Variants in TMF1 observed in about 807,000 individuals in gnomAD.
The protein encoded by TMF1 is TATA element modulatory factor.
Under a neutral mutation model 126.5 loss-of-function variants are expected in TMF1, and 71 were observed. The ratio of observed to expected loss-of-function variants is 0.56; its 90% CI spans 0.46 to 0.68. The LOEUF is 0.68. Among genes scored for constraint, TMF1 ranks in the 30% least tolerant of loss-of-function variants. The pLI is 0.00. For missense variants in TMF1, 1,259 were observed against 1,253.2 expected, an observed-to-expected ratio of 1.00 and a Z score of -0.07; for synonymous variants, 461 against 430.5, an observed-to-expected ratio of 1.07 and a Z score of -0.88.
In TMF1 at chr3:69,048,395, T is replaced by C. The variant is rs2091908087; in HGVS notation, c.310A>G (p.Thr104Ala). 2.5e-6 allele frequency: 4 copies of C among 1,614,146 alleles called. No homozygotes were observed. The highest frequency in any genetic ancestry group is 3.4e-6 in the Non-Finnish European group (4 of 1,180,034). Reference sequence around the variant, plus strand: ...CTCTTCTGAATGGTCTGGACATCAGTTGGCGAGAGAAAGGCACTGAAGAAA... The same window carrying C: ...CTCTTCTGAATGGTCTGGACATCAGCTGGCGAGAGAAAGGCACTGAAGAAA... ...ENFFSAFLSP[T>A]DVQTIQKSPV... Residue 104 changes from threonine to alanine, a missense_variant, in exon 2 of 17, where the codon ACT (threonine) becomes GCT (alanine). Transcript: ENST00000398559.
chr3:69,038,383 C>T (rs1482277663), intron 8 of TMF1, among the ~76,000 whole-genome samples, 181 bp downstream of exon 8: 1 of 152,198 alleles, frequency 6.6e-6, no homozygotes, highest in African/African-American at 2.4e-5. Flanking sequence ...ATACTGGTAT[C>T]ACGTAAGCAT....
Position 69,023,078 on chromosome 3 carries a change from C to G in TMF1, c.*99G>C. On this transcript the variant is annotated 3_prime_UTR_variant, in exon 17 of 17. Transcript: ENST00000398559. ...AATTTTTACACTCTACAGTAAATCC[C>G]ACTTTCTAATTCTATAAAAGAATTT... 2 of 1,199,512 alleles carry G rather than the reference C, an allele frequency of 1.7e-6. No individual in the cohort carries two copies. Among genetic ancestry groups the G allele is most frequent in the Non-Finnish European group, 1.1e-6 (1 of 872,724 alleles). The allele number at this position is 1,199,512 out of a possible 1,614,324, so 74.3% of individuals were successfully genotyped here.
rs543733396 is a variant in TMF1, at chr3:69,021,467, A to C, written c.*1710T>G. The C allele has an allele frequency of 6.5e-6, 1 of 152,728 alleles. No homozygotes were observed. Among genetic ancestry groups the C allele is most frequent in the East Asian group, 1.9e-4 (1 of 5,178 alleles). 9.5% of individuals were successfully genotyped at this position (152,728 alleles called of 1,614,324 possible). A position where few individuals can be genotyped will look rare whatever the true frequency, so the allele number is the denominator to read the frequency against. ...CTACTTTTTACTACTAAAATGAAGA[A>C]AATTAATTTTATGAATCTGGCTCAC... On this transcript the variant is annotated 3_prime_UTR_variant, in exon 17 of 17. Transcript: ENST00000398559.
chr3:69,043,707 A>G (rs1232412374), intron 4 of TMF1, 43 bp downstream of exon 4: 3 of 1,508,800 alleles, frequency 2.0e-6, no homozygotes, highest in Non-Finnish European at 2.7e-6. Context: ...AAAAATCTAT[A>G]TCTCTATAGA....
At chr3:69,039,816 C>A in intron 5 of TMF1, 123 bp from the exon 6 acceptor site, 3 of 1,042,698 alleles carry the variant, frequency 2.9e-6, no homozygotes, top group Non-Finnish European at 4.1e-6. Flanking sequence ...TTGTAACCCA[C>A]AATGTTACAA....
Position 69,043,776 on chromosome 3 carries a change from A to G in TMF1, c.1552T>C (p.Cys518Arg). ...TTTTTAGCAGCATCTCTCTCTTTGC[A>G]GGCTAGTTGAACTTTCTTTTCTGCT... ...AEAEKKVQLACKERDAAKKEI... is the reference protein window; with the variant it reads ...AEAEKKVQLARKERDAAKKEI... Residue 518 changes from cysteine to arginine, a missense_variant, in exon 4 of 17, where the codon TGC becomes CGC. Physicochemically the swap from Cys to Arg is radical, Grantham distance 180. Transcript: ENST00000398559. 1.2e-6 allele frequency: 2 copies of G among 1,610,736 alleles called. No individual in the cohort carries two copies. Among genetic ancestry groups the G allele is most frequent in the Non-Finnish European group, 1.7e-6 (2 of 1,178,634 alleles).
At chr3:69,036,086 C>T (rs1025393402) in intron 8 of TMF1, among the ~76,000 whole-genome samples, 3 of 151,968 alleles carry the variant, frequency 2.0e-5, no homozygotes, top group Non-Finnish European at 4.4e-5. Flanking sequence ...CCCAAATATC[C>T]ATCAATAAGA....
At position 69,039,830 on chromosome 3, in the gene TMF1, A is replaced by T. The variant is rs569157607; in HGVS notation, c.1685-137T>A. 43 of 908,918 alleles carry T rather than the reference A, an allele frequency of 4.7e-5. No homozygotes were observed. The South Asian group carries it at 7.3e-4, about 15-fold the overall frequency. The allele number at this position is 908,918 out of a possible 1,614,324, so 56.3% of individuals were successfully genotyped here. A position where few individuals can be genotyped will look rare whatever the true frequency, so the allele number is the denominator to read the frequency against. The stretch of plus-strand genomic sequence containing the variant: ...TTTGTAACCCACAATGTTACAACTA[A>T]TTTGGACAGCAATCATCAATGAATG... On this transcript the variant is annotated intron_variant, in intron 5 of 16. Coordinates refer to ENST00000398559, the MANE Select transcript of TMF1 (RefSeq NM_007114.3).
chr3:69,048,057 C>T lies in TMF1; in HGVS notation c.648G>A (p.Gln216=). ...TGTCCTTTGTTTCTGCTGTGAGAGA[C>T]TGCGTAGACGTATTAGATATACTTT... ...TMESISNTST[Q]SLTAETKDIA... is the part of the protein sequence containing the mutation. The change falls in exon 2 of 17, where the codon CAG becomes CAA. Residue 216 remains glutamine, a synonymous_variant. Coordinates refer to ENST00000398559, the MANE Select transcript of TMF1 (RefSeq NM_007114.3). 1 of 1,614,102 alleles carries T rather than the reference C, an allele frequency of 6.2e-7. No individual in the cohort carries two copies. Among genetic ancestry groups the T allele is most frequent in the African/African-American group, 1.3e-5 (1 of 75,062 alleles).
chr3:69,030,626 TAGAC>T (rs1268080917), intron 10 of TMF1: 11 of 152,054 alleles, frequency 7.2e-5, no homozygotes, highest in Middle Eastern at 3.2e-3. Context: ...GTAAACGACA[TAGAC>T]AGAAATTTCA....
chr3:69,037,223 A>G (rs1575814444), intron 8 of TMF1, among the ~76,000 whole-genome samples: 1 of 152,348 alleles, frequency 6.6e-6, no homozygotes. Context: ...AGCCGGGCGT[A>G]GTGGCTCACG....
rs776065417 is a variant in TMF1 at position 69,048,325 on chromosome 3, T to C, written c.380A>G (p.Glu127Gly). ...TTCATGTAAGCTGCTTTTCACTTCT[T>C]CTTCTGGTCGTTGTGATTTTGCTGG... ...KPPAKSQRPE[E>G]EVKSSLHESL... Residue 127 changes from glutamate to glycine, a missense_variant, in exon 2 of 17, where the codon GAA becomes GGA. Coordinates refer to ENST00000398559, the MANE Select transcript of TMF1 (RefSeq NM_007114.3). The C allele has an allele frequency of 6.2e-7, 1 of 1,614,202 alleles. No homozygotes were observed. The highest frequency in any genetic ancestry group is 8.5e-7 in the Non-Finnish European group (1 of 1,180,030).
Position 69,052,213 on chromosome 3 carries a change from T to G in TMF1, c.-127A>C. 1 of 1,078,652 alleles carries G rather than the reference T, an allele frequency of 9.3e-7. No homozygotes were observed. Among genetic ancestry groups the G allele is most frequent in the Non-Finnish European group, 1.3e-6 (1 of 780,852 alleles). 66.8% of individuals were successfully genotyped at this position (1,078,652 alleles called of 1,614,324 possible). ...GCTGGTTCTGTCAGCGTGTGGCCAT[T>G]ACCCCGACAGCCTCCCGCGAGCCCG... On this transcript the variant is annotated 5_prime_UTR_variant, in exon 1 of 17. The change abolishes the stop of an existing upstream ORF in the 5' untranslated region. Coordinates refer to ENST00000398559, the MANE Select transcript of TMF1 (RefSeq NM_007114.3).
intron 13 of TMF1, 22 bp downstream of exon 13, chr3:69,027,878 A>C (rs2091778594): frequency 7.3e-7 from 1 of 1,363,176 alleles, no homozygotes; most frequent in African/African-American, 1.4e-5. Context: ...CACCACAAAC[A>C]AACAAAAACA....
chr3:69,043,233 A>C (rs181367260), intron 4 of TMF1, among the ~76,000 whole-genome samples: 140 of 152,198 alleles, frequency 9.2e-4, no homozygotes, highest in African/African-American at 3.2e-3. Context: ...GTAGTGGTAC[A>C]ATGACGACTC....
chr3:69,028,385 T>A, intron 11 of TMF1, 90 bp from the exon 12 acceptor site: 1 of 766,340 alleles, frequency 1.3e-6, no homozygotes, highest in Non-Finnish European at 2.1e-6. Context: ...TAACTCCAGC[T>A]ACATATTGAG....
chr3:69,028,134 C>T, intron 12 of TMF1, 92 bp downstream of exon 12: 1 of 1,208,970 alleles, frequency 8.3e-7, no homozygotes, highest in Non-Finnish European at 1.2e-6. Context: ...GTGGCATCAC[C>T]CATTTCATCT....
Position 69,038,942 on chromosome 3 carries a change from A to G in TMF1, c.1895T>C (p.Val632Ala). Residue 632 changes from valine (V) to alanine (A), a missense_variant, in exon 7 of 17, where the codon GTA becomes GCA. By Grantham distance (64) the Val-to-Ala change is moderately conservative. Coordinates refer to ENST00000398559, the MANE Select transcript of TMF1 (RefSeq NM_007114.3). ...RENIKKLNSM[V>A]ERQEKDLGRL... ...GCCAAGATCTTTCTCTTGGCGTTCTACCATGGAATTTAGTTTTTTAATATT... is the reference window on the plus strand; with the variant it reads ...GCCAAGATCTTTCTCTTGGCGTTCTGCCATGGAATTTAGTTTTTTAATATT... 2 of 1,611,478 alleles carry G rather than the reference A, an allele frequency of 1.2e-6. No homozygotes were observed. The highest frequency in any genetic ancestry group is 1.7e-4 in the Middle Eastern group (1 of 6,042).
At chr3:69,024,694 AG>A (rs1271007001) in intron 15 of TMF1, 8 of 152,042 alleles carry the variant, frequency 5.3e-5, no homozygotes, top group Admixed American at 5.2e-4. Context: ...TATAACTAAA[AG>A]TATATAATGG....
Sources: gnomAD v4.1 joint callset for allele counts (sites outside exome capture counted in the v4.1 genomes callset) on GRCh38, gnomAD v4.1.1 for gene constraint, MANE v1.5 for transcripts, NCBI Gene and HGNC (gene_info 2026-07-23, HGNC 2026-07-21) for gene names.